Variants in SIRPD observed in about 807,000 individuals in gnomAD.
SIRPD encodes the protein signal-regulatory protein delta.
A neutral mutation model predicts 18.0 loss-of-function variants in SIRPD; 21 were observed. The ratio of observed to expected loss-of-function variants is 1.17; its 90% CI spans 0.83 to 1.68. SIRPD has a LOEUF of 1.68. Ranked by LOEUF, SIRPD falls within the 40% of genes most tolerant of loss-of-function variation. SIRPD has a pLI of 0.00. For missense variants in SIRPD, 295 were observed against 238.4 expected (o/e 1.24, Z -1.56); for synonymous variants, 106 against 92.9 (o/e 1.14, Z -0.81).
intron 3 of SIRPD, 81 bp downstream of exon 3, chr20:1,537,073 CA>C: frequency 6.6e-7 from 1 of 1,518,586 alleles, no homozygotes; most frequent in Non-Finnish European, 9.0e-7. Context: ...TCATCCGCCC[CA>C]CTGCAGGTGG....
Position 1,557,583 on chromosome 20 carries a change from G to T in SIRPD, c.71C>A (p.Ala24Glu). Residue 24 changes from alanine (A) to glutamate (E), a missense_variant and splice_region_variant, in exon 1 of 4, where the codon GCA becomes GAA. Ala to Glu is a moderately radical substitution (Grantham distance 107). Coordinates refer to ENST00000381623, the MANE Select transcript of SIRPD (RefSeq NM_178460.3). Reference sequence around the variant, plus strand: ...ACATACACTGAGGCCCCACTCACCTGCCAGTTCAAGCAGCAGATACAGCAG... The same window carrying T: ...ACATACACTGAGGCCCCACTCACCTTCCAGTTCAAGCAGCAGATACAGCAG... ...SLLLYLLLEL[A>E]GVTHVFHVQQ... 2 of 1,571,220 alleles carry T rather than the reference G, an allele frequency of 1.3e-6. No individual in the cohort carries two copies.
intron 2 of SIRPD, among the ~76,000 whole-genome samples, chr20:1,542,250 A>G (rs1174635943): frequency 3.3e-5 from 5 of 152,140 alleles, no homozygotes; most frequent in Admixed American, 6.5e-5. Context: ...CATTTTCACG[A>G]TATTGATTAT....
rs532855493 is a variant in SIRPD at position 1,536,852 on chromosome 20, C to A, written c.577+303G>T. Among the ~76,000 whole-genome samples the A allele has an allele frequency of 1.1e-4, 17 of 152,174 alleles. 1 individual carries two copies. The South Asian group carries it at 2.9e-3, about 26-fold the overall frequency. ...AGGTCAGGCCTAGGGGGTCGTGGAA[C>A]CTTCACAGGACATCAGGGGTGTGGG... On this transcript the variant is annotated intron_variant, in intron 3 of 3. Transcript: ENST00000381623.
chr20:1,542,443 G>A (rs111698532), intron 2 of SIRPD, among the ~76,000 whole-genome samples: 58 of 152,006 alleles, frequency 3.8e-4, no homozygotes, highest in African/African-American at 1.3e-3. Context: ...TCTGATTGTC[G>A]ATTATTGATG....
At chr20:1,548,473 A>G (rs2091003996) in intron 2 of SIRPD, among the ~76,000 whole-genome samples, 1 of 152,198 alleles carries the variant, frequency 6.6e-6, no homozygotes, top group African/African-American at 2.4e-5. Flanking sequence ...CTTGGTCAAC[A>G]TGAATAATGC....
At chr20:1,553,645 T>C (rs1282210242) in intron 1 of SIRPD, among the ~76,000 whole-genome samples, 1 of 152,170 alleles carries the variant, frequency 6.6e-6, no homozygotes, top group East Asian at 1.9e-4. Flanking sequence ...AGTGCACACA[T>C]GTAGTTGCAC....
chr20:1,554,799 A>G (rs2123156118), intron 1 of SIRPD, among the ~76,000 whole-genome samples: 1 of 152,312 alleles, frequency 6.6e-6, no homozygotes, highest in Non-Finnish European at 1.5e-5. Context: ...TGAGGCATGC[A>G]TTCTCAATGA....
At chr20:1,552,854 T>G (rs1157182701) in intron 1 of SIRPD, among the ~76,000 whole-genome samples, 1 of 152,156 alleles carries the variant, frequency 6.6e-6, no homozygotes, top group African/African-American at 2.4e-5. Context: ...GCATTGACAT[T>G]ATGTAACTTA....
intron 2 of SIRPD, among the ~76,000 whole-genome samples, chr20:1,550,951 G>A (rs1477221563): frequency 2.0e-5 from 3 of 152,194 alleles, no homozygotes; most frequent in Non-Finnish European, 4.4e-5. Context: ...GGCACCACAA[G>A]TAGCAAAACA....
chr20:1,550,579 T>A (rs2091014376), intron 2 of SIRPD, among the ~76,000 whole-genome samples: 1 of 152,218 alleles, frequency 6.6e-6, no homozygotes, highest in Non-Finnish European at 1.5e-5. Context: ...AAGTTCTGCC[T>A]TGAATACTGT....
intron 2 of SIRPD, among the ~76,000 whole-genome samples, chr20:1,546,502 T>C (rs2090994180): frequency 1.3e-5 from 2 of 152,346 alleles, no homozygotes; most frequent in African/African-American, 4.8e-5. Flanking sequence ...TTGATAGATG[T>C]TTGGATTGTT....
intron 2 of SIRPD, among the ~76,000 whole-genome samples, chr20:1,543,381 T>G (rs761630157): frequency 6.6e-6 from 1 of 152,226 alleles, no homozygotes; most frequent in Non-Finnish European, 1.5e-5. Flanking sequence ...TGTCCAAGAA[T>G]TTATCCATTT....
Position 1,552,030 on chromosome 20 carries a change from G to A in SIRPD, c.82C>T (p.His28Tyr), listed in dbSNP as rs1368447445. Residue 28 changes from histidine to tyrosine, a missense_variant, in exon 2 of 4, where the codon CAT (histidine) becomes TAT (tyrosine). His to Tyr is a moderately conservative substitution (Grantham distance 83). Coordinates refer to ENST00000381623, the MANE Select transcript of SIRPD (RefSeq NM_178460.3). Reference protein sequence around the residue: ...YLLLELAGVTHVFHVQQTEMS... With the variant: ...YLLLELAGVTYVFHVQQTEMS... ...TCCGTTTGTTGCACATGGAACACATGTGTGACTCCTGGAAAAAAGCTGAAA... is the reference window on the plus strand; with the variant it reads ...TCCGTTTGTTGCACATGGAACACATATGTGACTCCTGGAAAAAAGCTGAAA... The A allele has an allele frequency of 2.5e-6, 4 of 1,610,646 alleles. No homozygotes were observed. In the South Asian group the frequency reaches 4.4e-5, roughly 18 times the overall value.
At chr20:1,544,225 C>T (rs1031070849) in intron 2 of SIRPD, among the ~76,000 whole-genome samples, 2 of 152,234 alleles carry the variant, frequency 1.3e-5, no homozygotes, top group African/African-American at 4.8e-5. Flanking sequence ...AAGTCTCCCA[C>T]TATTATTGTG....
At chr20:1,538,912 GATC>G (rs1443691672) in intron 2 of SIRPD, among the ~76,000 whole-genome samples, 3 of 152,156 alleles carry the variant, frequency 2.0e-5, no homozygotes, top group Admixed American at 2.0e-4. Flanking sequence ...CAGTGTCATT[GATC>G]ATAATAAGAT....
At chr20:1,551,664 G>A (rs377202945) in intron 2 of SIRPD, 27 bp downstream of exon 2, 1 of 1,530,504 alleles carries the variant, frequency 6.5e-7, no homozygotes, top group East Asian at 2.3e-5. Context: ...TACACCAGGG[G>A]GTATGGGGTA....
intron 2 of SIRPD, among the ~76,000 whole-genome samples, chr20:1,546,962 G>A (rs2090996181): frequency 6.6e-6 from 1 of 152,072 alleles, no homozygotes; most frequent in African/African-American, 2.4e-5. Flanking sequence ...CCCATTCTGT[G>A]GGTTATCTTT....
intron 2 of SIRPD, among the ~76,000 whole-genome samples, chr20:1,538,322 T>C (rs553589586): frequency 2.6e-5 from 4 of 152,292 alleles, no homozygotes; most frequent in African/African-American, 7.2e-5. Flanking sequence ...CGACACCTTA[T>C]TCTAGCTTGT....
At chr20:1,553,143 G>A (rs1484132967) in intron 1 of SIRPD, among the ~76,000 whole-genome samples, 1 of 152,182 alleles carries the variant, frequency 6.6e-6, no homozygotes, top group African/African-American at 2.4e-5. Flanking sequence ...AACCCCTATG[G>A]GAAGGCTTTT....
Sources: allele counts gnomAD v4.1 joint callset (sites outside exome capture counted in the v4.1 genomes callset), GRCh38; gene constraint gnomAD v4.1.1; transcripts MANE v1.5; gene names NCBI Gene and HGNC (gene_info 2026-07-23, HGNC 2026-07-21).